The following MAP3K5 variants were observed in gnomAD, a reference collection of about 807,000 sequenced individuals.
The protein encoded by MAP3K5 is mitogen-activated protein kinase kinase kinase 5, also known as ASK-1.
Under a neutral mutation model 158.7 loss-of-function variants are expected in MAP3K5, and 56 were observed. The ratio of observed to expected loss-of-function variants is 0.35; its 90% CI spans 0.28 to 0.44. The LOEUF is 0.44. MAP3K5 is among the 20% of genes least tolerant of loss of function. MAP3K5 has a pLI of 1.00. For missense variants in MAP3K5, 1,294 were observed against 1,674.8 expected (o/e 0.77, Z 3.97); for synonymous variants, 579 against 601.7 (o/e 0.96, Z 0.55).
intron 3 of MAP3K5, among the ~76,000 whole-genome samples, chr6:136,699,049 G>T (rs566490994): frequency 4.6e-5 from 7 of 152,272 alleles, no homozygotes; most frequent in African/African-American, 1.7e-4. Context: ...ATACACATAT[G>T]AAAATGCTAC....
chr6:136,754,591 A>AAAG (rs1554313428), intron 1 of MAP3K5, among the ~76,000 whole-genome samples: 278 of 149,950 alleles, frequency 1.9e-3, no homozygotes, highest in Non-Finnish European at 2.4e-3. Flanking sequence ...TCAAAAAAAA[A>AAAG]AAAGAAAGAA....
At chr6:136,719,565 A>G (rs1781666143) in intron 2 of MAP3K5, among the ~76,000 whole-genome samples, 1 of 152,250 alleles carries the variant, frequency 6.6e-6, no homozygotes, top group Non-Finnish European at 1.5e-5. Flanking sequence ...AAAGCCACAC[A>G]TGCTTTAAAT....
intron 1 of MAP3K5, among the ~76,000 whole-genome samples, chr6:136,758,726 G>A (rs1454877410): frequency 6.6e-6 from 1 of 152,196 alleles, no homozygotes; most frequent in African/African-American, 2.4e-5. Flanking sequence ...TAATTTACAA[G>A]GAATCAATTA....
At chr6:136,709,323 G>A (rs1340470494) in intron 2 of MAP3K5, among the ~76,000 whole-genome samples, 1 of 152,154 alleles carries the variant, frequency 6.6e-6, no homozygotes, top group Non-Finnish European at 1.5e-5. Flanking sequence ...ATATGGCTCT[G>A]CTCCCAGCTA....
At chr6:136,768,893 A>C (rs1784066273) in intron 1 of MAP3K5, among the ~76,000 whole-genome samples, 1 of 151,780 alleles carries the variant, frequency 6.6e-6, no homozygotes, top group Admixed American at 6.6e-5. Flanking sequence ...AGCCTGGGTG[A>C]CAGACACAGT....
intron 26 of MAP3K5, among the ~76,000 whole-genome samples, chr6:136,564,298 G>A (rs1188940367): frequency 6.6e-6 from 1 of 152,200 alleles, no homozygotes; most frequent in East Asian, 1.9e-4. Context: ...TCACAGCAGA[G>A]TAGGTAGCAG....
intron 18 of MAP3K5, among the ~76,000 whole-genome samples, chr6:136,606,283 G>A (rs537112257): frequency 2.0e-5 from 3 of 152,124 alleles, no homozygotes; most frequent in Non-Finnish European, 4.4e-5. Flanking sequence ...CCCAGGAGGC[G>A]GAGGTTGCAG....
At chr6:136,577,724 T>C (rs1229985444) in intron 25 of MAP3K5, among the ~76,000 whole-genome samples, 4 of 152,216 alleles carry the variant, frequency 2.6e-5, no homozygotes, top group East Asian at 3.8e-4. Flanking sequence ...CATGGAAACA[T>C]TGCAAAGATA....
rs565327594 is a variant in MAP3K5, at chr6:136,676,840, G to A, written c.1254-7445C>T. Among the ~76,000 whole-genome samples the A allele has an allele frequency of 3.1e-4, 45 of 143,178 alleles. 1 individual carries two copies. The South Asian group carries it at 9.4e-3, about 30-fold the overall frequency. 93.9% of individuals were successfully genotyped at this position (143,178 alleles called of 152,430 possible). On this transcript the variant is annotated intron_variant, in intron 7 of 29. Coordinates refer to ENST00000359015, the MANE Select transcript of MAP3K5 (RefSeq NM_005923.4). ...AGAGTCTCACTCTGTCATCCAGGCT[G>A]GAGTTCAGTGGTGCGATCTCAGCTT...
chr6:136,576,653 C>T (rs1774632202), intron 25 of MAP3K5, among the ~76,000 whole-genome samples: 1 of 152,108 alleles, frequency 6.6e-6, no homozygotes, highest in African/African-American at 2.4e-5. Flanking sequence ...GAATCAACCA[C>T]TTCTCCAAGG....
At chr6:136,611,498 C>CG (rs1776343427) in intron 17 of MAP3K5, 111 bp from the exon 18 acceptor site, 2 of 592,004 alleles carry the variant, frequency 3.4e-6, no homozygotes, top group Non-Finnish European at 6.3e-6. Flanking sequence ...CAGCTACCAA[C>CG]GACATTAATT....
chr6:136,724,836 A>G (rs1236210710), intron 1 of MAP3K5, among the ~76,000 whole-genome samples: 2 of 152,132 alleles, frequency 1.3e-5, no homozygotes, highest in Non-Finnish European at 2.9e-5. Flanking sequence ...GTACAGTCTA[A>G]TGGGCTTTGA....
intron 8 of MAP3K5, among the ~76,000 whole-genome samples, chr6:136,665,609 G>A (rs984827558): frequency 3.3e-5 from 5 of 152,122 alleles, no homozygotes; most frequent in African/African-American, 1.2e-4. Flanking sequence ...GCCTCCCAAA[G>A]TGCTGGGATT....
At chr6:136,658,920 T>G (rs1275315833) in intron 9 of MAP3K5, among the ~76,000 whole-genome samples, 1 of 152,208 alleles carries the variant, frequency 6.6e-6, no homozygotes, top group Admixed American at 6.5e-5. Flanking sequence ...TAAGTTATAT[T>G]TGCAGGTGCA....
intron 3 of MAP3K5, 98 bp downstream of exon 3, chr6:136,705,012 A>G (rs1399649114): frequency 1.6e-6 from 1 of 607,918 alleles, no homozygotes; most frequent in Non-Finnish European, 2.8e-6. Context: ...AAATAGAGAT[A>G]TAAATTAATA....
chr6:136,697,082 G>A, intron 5 of MAP3K5, 137 bp downstream of exon 5: 1 of 535,278 alleles, frequency 1.9e-6, no homozygotes, highest in Admixed American at 3.9e-5. Flanking sequence ...TTATAGGATG[G>A]AAAGCTTAAG....
intron 14 of MAP3K5, among the ~76,000 whole-genome samples, chr6:136,624,151 G>A (rs367728413): frequency 2.1e-4 from 32 of 152,108 alleles, no homozygotes; most frequent in African/African-American, 6.5e-4. Context: ...CTGAGATGGC[G>A]ACACTGCACT....
At chr6:136,648,992 T>C (rs375437701) in intron 11 of MAP3K5, among the ~76,000 whole-genome samples, 1 of 152,194 alleles carries the variant, frequency 6.6e-6, no homozygotes, top group Admixed American at 6.5e-5. Context: ...TTTTTTGAGA[T>C]AGAGTCTTGC....
chr6:136,623,134 A>G (rs1376775152), intron 14 of MAP3K5, among the ~76,000 whole-genome samples, 153 bp from the exon 15 acceptor site: 2 of 152,196 alleles, frequency 1.3e-5, no homozygotes, highest in Non-Finnish European at 2.9e-5. Context: ...TGAACAAATA[A>G]ATGCTCCCAA....
Sources: gnomAD v4.1 joint callset for allele counts (sites outside exome capture counted in the v4.1 genomes callset) on GRCh38, gnomAD v4.1.1 for gene constraint, MANE v1.5 for transcripts, NCBI Gene and HGNC (gene_info 2026-07-23, HGNC 2026-07-21) for gene names.